SYTL3: variants seen among roughly 807,000 people sequenced by gnomAD.
SYTL3 encodes synaptotagmin-like protein 3.
SYTL3 carries 88 observed loss-of-function variants against 82.1 expected under a neutral mutation model. That is an observed-to-expected ratio of 1.07 (90% CI 0.90 to 1.28). The LOEUF (loss-of-function observed/expected upper bound fraction) is 1.28, where lower values mean the gene tolerates loss of function less well. SYTL3 is among the 50% of genes most tolerant of loss of function. SYTL3 has a pLI of 0.00. For synonymous variants in SYTL3, 311 were observed against 289.4 expected (o/e 1.07, Z -0.76); for missense variants, 831 against 757.6 (o/e 1.10, Z -1.14).
chr6:158,737,039 CA>C (rs201499466), intron 11 of SYTL3, among the ~76,000 whole-genome samples: 4,174 of 113,752 alleles, frequency 0.037, 144 homozygotes, highest in East Asian at 0.14. Flanking sequence ...CATTTCATGG[CA>C]AAAAAAAAAA....
At chr6:158,655,989 T>C (rs1248660993) in intron 2 of SYTL3, among the ~76,000 whole-genome samples, 1 of 152,118 alleles carries the variant, frequency 6.6e-6, no homozygotes, top group Non-Finnish European at 1.5e-5. Context: ...GAGGTCAGTA[T>C]GGGAGTGGCG....
chr6:158,645,560 G>A (rs906971789), upstream of SYTL3, among the ~76,000 whole-genome samples: 1 of 152,140 alleles, frequency 6.6e-6, no homozygotes, highest in Non-Finnish European at 1.5e-5. Flanking sequence ...CTGACTGCAA[G>A]GGTCCCAGGG....
intron 8 of SYTL3, among the ~76,000 whole-genome samples, chr6:158,712,246 G>T (rs1782838376): frequency 1.3e-5 from 2 of 152,072 alleles, no homozygotes; most frequent in Non-Finnish European, 2.9e-5. Flanking sequence ...TTCTCCTTGG[G>T]CCCCTGGTTG....
rs779314639 is a variant in SYTL3 at position 158,718,199 on chromosome 6, C to T, written c.708C>T (p.Asn236=). The change falls in exon 10 of 18, where the codon AAC becomes AAT. Residue 236 remains asparagine, a synonymous_variant. Transcript: ENST00000611299. ...GGAGCCAGTCTGACACTGCGGTCAA[C>T]GTCACCACCAGGGTACCCTGAGCCC... ...ERRSQSDTAV[N]VTTRKVSAPD... is the part of the protein sequence containing the mutation. The T allele has an allele frequency of 1.3e-5, 20 of 1,536,898 alleles. No individual in the cohort carries two copies. Among genetic ancestry groups the T allele is most frequent in the South Asian group, 9.7e-5 (8 of 82,200 alleles).
chr6:158,714,450 A>G (rs1191929462), intron 9 of SYTL3, among the ~76,000 whole-genome samples: 1 of 151,622 alleles, frequency 6.6e-6, no homozygotes, highest in Non-Finnish European at 1.5e-5. Context: ...TATTGTCTGC[A>G]TGGAATTACT....
At chr6:158,734,346 A>G (rs918649771) in intron 11 of SYTL3, among the ~76,000 whole-genome samples, 5 of 152,062 alleles carry the variant, frequency 3.3e-5, no homozygotes, top group African/African-American at 1.2e-4. Flanking sequence ...AAGGGCCAGA[A>G]TCACATCCTT....
intron 5 of SYTL3, among the ~76,000 whole-genome samples, chr6:158,666,883 G>A (rs538713578): frequency 1.3e-5 from 2 of 152,176 alleles, no homozygotes; most frequent in Admixed American, 6.5e-5. Context: ...CGTCCATTTC[G>A]CTCACAGCGT....
Position 158,745,658 on chromosome 6 carries a change from C to T in SYTL3, c.1034C>T (p.Pro345Leu), listed in dbSNP as rs774253415. Reference protein sequence around the residue: ...YGEEKKKKCNPYVKTYLLPDR... With the variant: ...YGEEKKKKCNLYVKTYLLPDR... ...GAAGAAAAGAAGAAAAAGTGCAATC[C>T]GTAAGTTGTTTTTTTTAAGTTTAAC... Residue 345 changes from proline (P) to leucine (L), a missense_variant and splice_region_variant, in exon 12 of 18, where the codon CCG (proline) becomes CTG (leucine). Physicochemically the swap from Pro to Leu is moderately conservative, Grantham distance 98. Transcript: ENST00000611299. The T allele has an allele frequency of 1.9e-5, 30 of 1,578,734 alleles. No homozygotes were observed. Among genetic ancestry groups the T allele is most frequent in the African/African-American group, 6.9e-5 (5 of 72,260 alleles).
chr6:158,718,233 C>T (rs1028251526), intron 10 of SYTL3, 22 bp downstream of exon 10: 22 of 1,489,032 alleles, frequency 1.5e-5, no homozygotes, highest in African/African-American at 2.8e-5. Context: ...CCCACAAGGC[C>T]TCCACGCTGA....
In SYTL3 at chr6:158,745,630, G is replaced by A. The variant is rs377038512; in HGVS notation, c.1006G>A (p.Gly336Arg). 9 of 1,602,664 alleles carry A rather than the reference G, an allele frequency of 5.6e-6. No homozygotes were observed. Among genetic ancestry groups the A allele is most frequent in the African/African-American group, 1.4e-5 (1 of 73,872 alleles). The change falls in exon 12 of 18, where the codon GGA (glycine) becomes AGA (arginine). Residue 336 changes from glycine (G) to arginine (R), a missense_variant. Coordinates refer to ENST00000611299, the MANE Select transcript of SYTL3 (RefSeq NM_001242394.2). ...CAAGGCCTGTAAGAACCTTGCCTAT[G>A]GAGAAGAAAAGAAGAAAAAGTGCAA... ...CIKACKNLAY[G>R]EEKKKKCNPY... is the part of the protein sequence containing the mutation.
At chr6:158,671,102 C>A (rs1777330137) in intron 5 of SYTL3, among the ~76,000 whole-genome samples, 1 of 151,982 alleles carries the variant, frequency 6.6e-6, no homozygotes, top group South Asian at 2.1e-4. Context: ...CGGCGCCCGG[C>A]CTATGGAGTA....
upstream of SYTL3, among the ~76,000 whole-genome samples, chr6:158,647,179 G>A (rs1400686835): frequency 1.3e-5 from 2 of 152,108 alleles, no homozygotes; most frequent in South Asian, 2.1e-4. Context: ...TTATAACTGC[G>A]GATCACCAGC....
intron 2 of SYTL3, among the ~76,000 whole-genome samples, chr6:158,652,527 G>A (rs2165449): frequency 0.29 from 43,819 of 151,386 alleles, 6,858 homozygotes; most frequent in East Asian, 0.66. Flanking sequence ...GGGATTACAA[G>A]CGTGAGCCAC....
chr6:158,681,071 A>T (rs184852760), intron 5 of SYTL3, among the ~76,000 whole-genome samples: 1 of 152,264 alleles, frequency 6.6e-6, no homozygotes, highest in South Asian at 2.1e-4. Flanking sequence ...ACTGTAATTT[A>T]TAGAAGAGAA....
At position 158,759,209 on chromosome 6, in the gene SYTL3, G is replaced by A. The variant is rs552914294; in HGVS notation, c.1309-1431G>A. Among the ~76,000 whole-genome samples the A allele has an allele frequency of 5.6e-5, 8 of 143,836 alleles. No homozygotes were observed. The South Asian group carries it at 1.7e-3, about 31-fold the overall frequency. The allele number at this position is 143,836 out of a possible 152,430, so 94.4% of individuals were successfully genotyped here. On this transcript the variant is annotated intron_variant, in intron 14 of 17. Coordinates refer to ENST00000611299, the MANE Select transcript of SYTL3 (RefSeq NM_001242394.2). The stretch of plus-strand genomic sequence containing the variant: ...AAGTGGGTGAGGAGCAGGTGGCACA[G>A]AGCTGCAGGTGGCACAGAGCTGCAG...
intron 10 of SYTL3, among the ~76,000 whole-genome samples, chr6:158,721,458 AC>A (rs1440919744): frequency 6.6e-6 from 1 of 151,432 alleles, no homozygotes; most frequent in Non-Finnish European, 1.5e-5. Flanking sequence ...CAATCCTCCC[AC>A]CTAGGCCTCC....
upstream of SYTL3, among the ~76,000 whole-genome samples, chr6:158,648,609 AT>A (rs1477380914): frequency 0.036 from 5,062 of 140,962 alleles, 123 homozygotes; most frequent in Non-Finnish European, 0.053. Flanking sequence ...AAAAAAAAAA[AT>A]AATAATAATA....
At chr6:158,724,514 T>A (rs1784480732) in intron 10 of SYTL3, among the ~76,000 whole-genome samples, 1 of 152,194 alleles carries the variant, frequency 6.6e-6, no homozygotes, top group Non-Finnish European at 1.5e-5. Flanking sequence ...ACCTTGCCCA[T>A]TGTGTTCCAA....
chr6:158,739,627 A>T (rs1364500815), intron 11 of SYTL3, among the ~76,000 whole-genome samples: 31 of 150,904 alleles, frequency 2.1e-4, no homozygotes, highest in Admixed American at 2.0e-3. Context: ...TGGGGGTCTC[A>T]TTCTGTTGCC....
Sources: gnomAD v4.1 joint callset for allele counts (sites outside exome capture counted in the v4.1 genomes callset) on GRCh38, gnomAD v4.1.1 for gene constraint, MANE v1.5 for transcripts, NCBI Gene and HGNC (gene_info 2026-07-23, HGNC 2026-07-21) for gene names.